Variants in AJAP1 observed in about 807,000 individuals in gnomAD.
AJAP1 encodes the protein adherens junctions associated protein 1.
Under a neutral mutation model 35.0 loss-of-function variants are expected in AJAP1, and 5 were observed. The observed-to-expected ratio is 0.14, with a 90% confidence interval of 0.07 to 0.30. The LOEUF is 0.30. Ranked by LOEUF, AJAP1 falls within the 10% of genes least tolerant of loss-of-function variation. The probability of loss-of-function intolerance (pLI) is 1.00; values close to 1 mark genes in which losing one functional copy is unlikely to be tolerated. For missense variants in AJAP1, 586 were observed against 571.0 expected (o/e 1.03, Z -0.27); for synonymous variants, 284 against 249.3 (o/e 1.14, Z -1.31).
In AJAP1 at chr1:4,656,955, C is replaced by T. The variant is rs1460975340; in HGVS notation, c.29+1501C>T. ...TGGAGGCCTGCCATCCCCTGCTCTG[C>T]CCCGGACTGTCCCAGGTCTCAGCAA... On this transcript the variant is annotated intron_variant, in intron 1 of 5. Coordinates refer to ENST00000378191, the MANE Select transcript of AJAP1 (RefSeq NM_018836.4). This position sits in a 1 kb window ranked among gnomAD's most constrained non-coding sequence, Gnocchi z 5.7. Among the ~76,000 whole-genome samples, 2 of 152,144 alleles carry T rather than the reference C, an allele frequency of 1.3e-5. No homozygotes were observed. Among genetic ancestry groups the T allele is most frequent in the African/African-American group, 2.4e-5 (1 of 41,422 alleles).
Position 4,712,063 on chromosome 1 carries a change from A to G in AJAP1, c.193A>G (p.Ser65Gly). ...RSPPRPPRLW[S>G]FRSGQPARVP... ...GCCGCCCCGGCCGCCCCGGCTGTGG[A>G]GTTTTAGGAGTGGACAGCCAGCGCG... Residue 65 changes from serine to glycine, a missense_variant, in exon 2 of 6, where the codon AGT (serine) becomes GGT (glycine). Transcript: ENST00000378191. 6.3e-7 allele frequency: 1 copy of G among 1,578,472 alleles called. No individual in the cohort carries two copies.
chr1:4,661,697 G>A (rs973814009), intron 1 of AJAP1, among the ~76,000 whole-genome samples: 9 of 152,234 alleles, frequency 5.9e-5, no homozygotes, highest in Non-Finnish European at 1.5e-5. Flanking sequence ...GGACCCAGCT[G>A]CTGTGATGCC....
At chr1:4,727,466 G>T (rs567153134) in intron 2 of AJAP1, among the ~76,000 whole-genome samples, 1 of 152,188 alleles carries the variant, frequency 6.6e-6, no homozygotes, top group Non-Finnish European at 1.5e-5. Context: ...GTTATGCTGC[G>T]CTGACCCCGT....
intron 1 of AJAP1, among the ~76,000 whole-genome samples, chr1:4,703,810 C>T (rs1253257334): frequency 6.6e-6 from 1 of 152,176 alleles, no homozygotes; most frequent in African/African-American, 2.4e-5. Flanking sequence ...TTGCAAAGAG[C>T]AGAATATGCT....
At chr1:4,730,084 A>T (rs1158503849) in intron 2 of AJAP1, among the ~76,000 whole-genome samples, 1 of 152,210 alleles carries the variant, frequency 6.6e-6, no homozygotes. Context: ...TAAGAGGTCC[A>T]CAGCGTCCGC....
At chr1:4,712,785 G>C (rs779564203) in intron 2 of AJAP1, 86 bp downstream of exon 2, 16 of 1,362,220 alleles carry the variant, frequency 1.2e-5, no homozygotes, top group African/African-American at 1.5e-5. Flanking sequence ...ATGTCCCTGG[G>C]TGATGCTATG....
At chr1:4,661,931 A>G (rs1441640190) in intron 1 of AJAP1, among the ~76,000 whole-genome samples, 2 of 152,228 alleles carry the variant, frequency 1.3e-5, no homozygotes, top group East Asian at 3.9e-4. Context: ...AAATCCAAGG[A>G]GGCCTCTATC....
rs571433701 is a variant in AJAP1 at position 4,782,412 on chromosome 1, C to T, written c.*60-133C>T. 9 of 216,800 alleles carry T rather than the reference C, an allele frequency of 4.2e-5. No individual in the cohort carries two copies. Among genetic ancestry groups the T allele is most frequent in the South Asian group, 1.9e-4 (1 of 5,382 alleles). The allele number at this position is 216,800 out of a possible 1,614,324, so 13.4% of individuals were successfully genotyped here. A position where few individuals can be genotyped will look rare whatever the true frequency, so the allele number is the denominator to read the frequency against. On this transcript the variant is annotated intron_variant, in intron 5 of 5. Coordinates refer to ENST00000378191, the MANE Select transcript of AJAP1 (RefSeq NM_018836.4). This position sits in a 1 kb window ranked among gnomAD's most constrained non-coding sequence, Gnocchi z 5.3. ...CAAGGACCCCTCCGTGTCAGTGAAC[C>T]GATAAAGGGAGTGATCGGGCTCTGC...
At chr1:4,737,426 G>A (rs762827989) in intron 2 of AJAP1, among the ~76,000 whole-genome samples, 4 of 151,830 alleles carry the variant, frequency 2.6e-5, no homozygotes, top group Admixed American at 1.3e-4. Context: ...TCTGGGGCTC[G>A]TGTTGGATTT....
At chr1:4,763,100 A>G (rs1480940886) in intron 2 of AJAP1, among the ~76,000 whole-genome samples, 3 of 152,210 alleles carry the variant, frequency 2.0e-5, no homozygotes, top group African/African-American at 4.8e-5. Flanking sequence ...AGCTGCAGTG[A>G]TATCTGTCCT....
At chr1:4,690,740 G>A (rs1288996912) in intron 1 of AJAP1, among the ~76,000 whole-genome samples, 2 of 152,178 alleles carry the variant, frequency 1.3e-5, no homozygotes, top group Admixed American at 1.3e-4. Flanking sequence ...ACGGTCCACA[G>A]AGAGAGAACT....
intron 1 of AJAP1, among the ~76,000 whole-genome samples, chr1:4,710,546 C>A (rs1557619784): frequency 6.6e-6 from 1 of 152,242 alleles, no homozygotes; most frequent in African/African-American, 2.4e-5. Flanking sequence ...AGCTTCCTTC[C>A]TTTGTGAAGT....
chr1:4,772,563 C>G, intron 4 of AJAP1, 38 bp downstream of exon 4: 1 of 1,603,144 alleles, frequency 6.2e-7, no homozygotes, highest in Non-Finnish European at 8.5e-7. Context: ...AGCTGTGAAG[C>G]TCTTGGTGCT....
intron 2 of AJAP1, among the ~76,000 whole-genome samples, chr1:4,760,999 C>T (rs887207938): frequency 2.0e-5 from 3 of 152,190 alleles, no homozygotes; most frequent in Admixed American, 6.5e-5. Context: ...ATCATGGCCC[C>T]GAAGGGTGCT....
chr1:4,755,304 G>A (rs1054044446), intron 2 of AJAP1, among the ~76,000 whole-genome samples: 40 of 152,168 alleles, frequency 2.6e-4, no homozygotes, highest in African/African-American at 8.4e-4. Flanking sequence ...AGTGGGTGCG[G>A]GGGACTCTCA....
intron 4 of AJAP1, 21 bp downstream of exon 4, chr1:4,772,546 A>G (rs1641860522): frequency 6.2e-7 from 1 of 1,609,476 alleles, no homozygotes; most frequent in African/African-American, 1.3e-5. Context: ...GCTCTGCTAG[A>G]CCCTGCAGCT....
At chr1:4,660,618 G>T (rs895999604) in intron 1 of AJAP1, among the ~76,000 whole-genome samples, 1 of 152,070 alleles carries the variant, frequency 6.6e-6, no homozygotes, top group Non-Finnish European at 1.5e-5. Flanking sequence ...GATCTGACTG[G>T]CAAGCATGGG....
intron 1 of AJAP1, among the ~76,000 whole-genome samples, chr1:4,680,861 T>C (rs1639467065): frequency 6.6e-6 from 1 of 152,218 alleles, no homozygotes; most frequent in African/African-American, 2.4e-5. Context: ...TATGGACTTT[T>C]GGCTGAAGTA....
In AJAP1 at chr1:4,734,965, A is replaced by G. The variant is rs777885215; in HGVS notation, c.829+22266A>G. 1.6e-4 allele frequency among the ~76,000 whole-genome samples: 24 copies of G among 152,152 alleles called. No homozygotes were observed. Among genetic ancestry groups the G allele is most frequent in the Non-Finnish European group, 2.8e-4 (19 of 68,036 alleles). ...TCCTCCGTCCATCGCCTGCAAGCTG[A>G]GCCGCGTGATGGAGCTCAGCCTGCA... On this transcript the variant is annotated intron_variant, in intron 2 of 5. Transcript: ENST00000378191. This position sits in a 1 kb window ranked among gnomAD's most constrained non-coding sequence, Gnocchi z 4.3.
Sources: gnomAD v4.1 joint callset for allele counts (sites outside exome capture counted in the v4.1 genomes callset) on GRCh38, gnomAD v4.1.1 for gene constraint, Gnocchi (gnomAD v3.1) non-coding constraint, MANE v1.5 for transcripts, NCBI Gene and HGNC (gene_info 2026-07-23, HGNC 2026-07-21) for gene names.